The following SORBS2 variants were observed in gnomAD, a reference collection of about 807,000 sequenced individuals.
SORBS2 encodes the protein sorbin and SH3 domain-containing protein 2.
SORBS2 carries 46 observed loss-of-function variants against 97.7 expected under a neutral mutation model. The observed-to-expected ratio is 0.47, with a 90% confidence interval of 0.37 to 0.60. The LOEUF is 0.60. Among genes scored for constraint, SORBS2 ranks in the 20% least tolerant of loss-of-function variants. The pLI, the probability that SORBS2 is intolerant of heterozygous loss-of-function variation, is 0.00. For synonymous variants in SORBS2, 476 were observed against 473.4 expected, an observed-to-expected ratio of 1.01 and a Z score of -0.07; for missense variants, 1,316 against 1,282.3, an observed-to-expected ratio of 1.03 and a Z score of -0.40.
At chr4:185,605,722 T>C (rs1218596671) in intron 12 of SORBS2, among the ~76,000 whole-genome samples, 1 of 152,144 alleles carries the variant, frequency 6.6e-6, no homozygotes, top group Non-Finnish European at 1.5e-5. Context: ...GTAGCTGGGA[T>C]TGTAGGCACC....
chr4:185,620,763 C>T (rs1263664192), intron 7 of SORBS2, among the ~76,000 whole-genome samples: 1 of 152,190 alleles, frequency 6.6e-6, no homozygotes, highest in Non-Finnish European at 1.5e-5. Flanking sequence ...CTACGACCTT[C>T]CTTTGTGCCC....
intron 12 of SORBS2, 73 bp from the exon 25 acceptor site, chr4:185,594,008 A>G (rs2096023327): frequency 1.0e-6 from 1 of 1,004,230 alleles, no homozygotes; most frequent in East Asian, 2.4e-5. Flanking sequence ...GGATAATGGC[A>G]TGGTACTTTT....
At chr4:185,865,849 A>T (rs2099226577) in intron 1 of SORBS2, among the ~76,000 whole-genome samples, 1 of 149,558 alleles carries the variant, frequency 6.7e-6, no homozygotes, top group Non-Finnish European at 1.5e-5. Context: ...TTTCTTGATA[A>T]ACATGCCTTT....
intron 1 of SORBS2, among the ~76,000 whole-genome samples, chr4:185,782,786 G>C (rs1165015336): frequency 6.6e-6 from 1 of 152,168 alleles, no homozygotes; most frequent in Non-Finnish European, 1.5e-5. Context: ...GATAAGGAGA[G>C]TTTTGTGTGT....
At chr4:185,616,293 G>A (rs1466391988) in intron 9 of SORBS2, among the ~76,000 whole-genome samples, 1 of 152,032 alleles carries the variant, frequency 6.6e-6, no homozygotes, top group Admixed American at 6.6e-5. Context: ...AAAAAATGGT[G>A]GTATATTAAA....
upstream of SORBS2, among the ~76,000 whole-genome samples, chr4:185,661,534 G>A (rs560189009): frequency 5.3e-5 from 8 of 152,278 alleles, no homozygotes; most frequent in African/African-American, 1.9e-4. Context: ...TACAATGACA[G>A]AACCTTCATT....
chr4:185,650,184 T>A (rs1055686147), intron 2 of SORBS2, among the ~76,000 whole-genome samples: 3 of 152,082 alleles, frequency 2.0e-5, no homozygotes, highest in Admixed American at 2.0e-4. Flanking sequence ...ATGCTTAGAG[T>A]GCACCTGGGA....
At chr4:185,615,137 C>A in exon 10 of SORBS2, 1 of 1,610,832 alleles carries the variant, frequency 6.2e-7, no homozygotes, top group Non-Finnish European at 8.5e-7. Flanking sequence ...TAGACAGTAT[C>A]TCCTTTCTTA....
Position 185,626,932 on chromosome 4 carries a change from C to T in SORBS2, c.534G>A (p.Ala178=), listed in dbSNP as rs1303659650. 6.2e-6 allele frequency: 10 copies of T among 1,614,058 alleles called. No individual in the cohort carries two copies. In the Admixed American group the frequency reaches 6.7e-5, roughly 11 times the overall value. Residue 178 remains alanine (A), a synonymous_variant, in exon 6 of 15, where the codon GCG becomes GCA. Coordinates refer to ENST00000418609, the Ensembl canonical transcript of SORBS2. ...CCACTCGGCCTGGGCTAGTCCTGCTCGCACTTTGATCTCCCAAGCCCCGTG... is the reference window on the plus strand; with the variant it reads ...CCACTCGGCCTGGGCTAGTCCTGCTTGCACTTTGATCTCCCAAGCCCCGTG...
intron 1 of SORBS2, among the ~76,000 whole-genome samples, chr4:185,801,088 A>G (rs567422976): frequency 3.2e-4 from 48 of 152,304 alleles, no homozygotes; most frequent in Middle Eastern, 3.4e-3. Flanking sequence ...CTCTGTTTCT[A>G]TGAGTTCAAC....
chr4:185,633,679 T>A (rs911085391), intron 4 of SORBS2, among the ~76,000 whole-genome samples: 1 of 152,018 alleles, frequency 6.6e-6, no homozygotes, highest in African/African-American at 2.4e-5. Context: ...CTGAAAAGTG[T>A]GATATAAAGG....
At chr4:185,888,340 G>C (rs1376620232) in intron 1 of SORBS2, among the ~76,000 whole-genome samples, 1 of 152,120 alleles carries the variant, frequency 6.6e-6, no homozygotes, top group Middle Eastern at 3.2e-3. Context: ...GGGTTGGAGA[G>C]AGACACACAG....
At chr4:185,914,821 C>A (rs2099257204) in intron 1 of SORBS2, among the ~76,000 whole-genome samples, 1 of 152,188 alleles carries the variant, frequency 6.6e-6, no homozygotes, top group South Asian at 2.1e-4. Flanking sequence ...TGTAACCAGT[C>A]ACAACTCATT....
intron 1 of SORBS2, among the ~76,000 whole-genome samples, chr4:185,824,171 C>T (rs911176179): frequency 2.0e-5 from 3 of 152,176 alleles, no homozygotes; most frequent in Non-Finnish European, 4.4e-5. Flanking sequence ...GAGGTGTGGG[C>T]AGCCCCATCC....
intron 1 of SORBS2, among the ~76,000 whole-genome samples, chr4:185,899,773 A>G (rs1236921861): frequency 1.3e-5 from 2 of 152,226 alleles, no homozygotes; most frequent in Non-Finnish European, 2.9e-5. Context: ...CCCAACGAGT[A>G]TTATACCTTC....
intron 1 of SORBS2, among the ~76,000 whole-genome samples, chr4:185,871,739 T>A (rs575120160): frequency 1.2e-3 from 188 of 152,344 alleles, no homozygotes; most frequent in African/African-American, 4.2e-3. Context: ...TCGTTTCATC[T>A]GAGTCACTCT....
intron 1 of SORBS2, among the ~76,000 whole-genome samples, chr4:185,824,961 A>G (rs1406617890): frequency 1.3e-5 from 2 of 152,198 alleles, no homozygotes; most frequent in Non-Finnish European, 2.9e-5. Flanking sequence ...GGGGGCTTCC[A>G]GGTTCTCTTC....
intron 4 of SORBS2, among the ~76,000 whole-genome samples, chr4:185,639,294 AC>A (rs2097089219): frequency 6.6e-6 from 1 of 152,028 alleles, no homozygotes; most frequent in Non-Finnish European, 1.5e-5. Flanking sequence ...TCTTCACAAT[AC>A]CGTGGATGGC....
chr4:185,608,906 C>T (rs1208578674), intron 12 of SORBS2, among the ~76,000 whole-genome samples: 1 of 152,060 alleles, frequency 6.6e-6, no homozygotes, highest in Non-Finnish European at 1.5e-5. Context: ...CTCCTGGGGA[C>T]TTAGTGTGTG....
Sources: allele counts gnomAD v4.1 joint callset (sites outside exome capture counted in the v4.1 genomes callset), GRCh38; gene constraint gnomAD v4.1.1; transcripts MANE v1.5; gene names NCBI Gene and HGNC (gene_info 2026-07-23, HGNC 2026-07-21).